BTBD9: variants seen among roughly 807,000 people sequenced by gnomAD.
BTBD9 encodes BTB/POZ domain-containing protein 9.
BTBD9 carries 49 observed loss-of-function variants against 64.3 expected under a neutral mutation model. The observed-to-expected ratio is 0.76, with a 90% CI of 0.61 to 0.97. The LOEUF (loss-of-function observed/expected upper bound fraction) is 0.97. Among genes scored for constraint, BTBD9 ranks in the 50% least tolerant of loss-of-function variants. BTBD9 has a pLI of 0.00. For synonymous variants in BTBD9, 260 were observed against 274.7 expected, an observed-to-expected ratio of 0.95 and a Z score of 0.53; for missense variants, 598 against 762.1, an observed-to-expected ratio of 0.78 and a Z score of 2.53.
intron 6 of BTBD9, among the ~76,000 whole-genome samples, chr6:38,508,889 C>T (rs571095661): frequency 1.8e-4 from 27 of 152,076 alleles, no homozygotes; most frequent in Non-Finnish European, 3.1e-4. Context: ...CCTTCTAAGA[C>T]TAAGCTAGGC....
intron 6 of BTBD9, among the ~76,000 whole-genome samples, chr6:38,416,379 G>A (rs960962425): frequency 4.0e-5 from 6 of 149,348 alleles, no homozygotes; most frequent in Middle Eastern, 3.5e-3. Flanking sequence ...CTGTCACCCC[G>A]GCTGGAGTGC....
chr6:38,529,392 G>T (rs1773674407), intron 6 of BTBD9, among the ~76,000 whole-genome samples: 1 of 152,192 alleles, frequency 6.6e-6, no homozygotes. Flanking sequence ...AGCTTGGGGT[G>T]CCCCCTAAAG....
chr6:38,578,964 A>G (rs987822096), intron 5 of BTBD9, among the ~76,000 whole-genome samples: 8 of 152,198 alleles, frequency 5.3e-5, no homozygotes, highest in African/African-American at 1.9e-4. Context: ...TAAAGCTTTT[A>G]GAACAGTGTC....
intron 8 of BTBD9, among the ~76,000 whole-genome samples, chr6:38,264,081 G>A (rs747078118): frequency 4.6e-5 from 7 of 152,164 alleles, no homozygotes; most frequent in Non-Finnish European, 7.4e-5. Flanking sequence ...AACGGAGAGC[G>A]GTAAGACTGT....
At chr6:38,507,083 C>T (rs560591589) in intron 6 of BTBD9, among the ~76,000 whole-genome samples, 1 of 152,204 alleles carries the variant, frequency 6.6e-6, no homozygotes, top group Non-Finnish European at 1.5e-5. Flanking sequence ...TCCTTCACAT[C>T]CTTCGGATCT....
chr6:38,405,753 A>G (rs1280064919), intron 6 of BTBD9, among the ~76,000 whole-genome samples: 3 of 152,236 alleles, frequency 2.0e-5, no homozygotes, highest in Non-Finnish European at 2.9e-5. Flanking sequence ...ATAGAAGTCA[A>G]TGGACTCAGG....
chr6:38,322,360 T>C (rs1382857745), intron 7 of BTBD9, among the ~76,000 whole-genome samples: 3 of 152,234 alleles, frequency 2.0e-5, no homozygotes, highest in South Asian at 2.1e-4. Flanking sequence ...GCCCTAGTTA[T>C]ACCTAATGTT....
intron 2 of BTBD9, chr6:38,595,868 C>T (rs1228693127): frequency 5.1e-6 from 5 of 985,270 alleles, no homozygotes; most frequent in Non-Finnish European, 4.8e-6. Flanking sequence ...AATTAAAGAA[C>T]TTCTCCTTCT....
At chr6:38,273,949 T>G (rs1765281265) in intron 8 of BTBD9, among the ~76,000 whole-genome samples, 1 of 152,192 alleles carries the variant, frequency 6.6e-6, no homozygotes, top group African/African-American at 2.4e-5. Flanking sequence ...AAGACACAAG[T>G]GATTCCACTA....
Position 38,280,183 on chromosome 6 carries a change from C to T in BTBD9, c.1454+8089G>A, listed in dbSNP as rs72849876. ...TTTACCATGCCCCCAAACTATCCTG[C>T]TATCTGTTTCCAGGATCCAGGATTT... On this transcript the variant is annotated intron_variant, in intron 8 of 10. Coordinates refer to ENST00000481247, the MANE Select transcript of BTBD9 (RefSeq NM_001099272.2). Among the ~76,000 whole-genome samples the T allele has an allele frequency of 9.2e-3, 1,397 of 152,272 alleles. 7 individuals carry two copies. The highest frequency in any genetic ancestry group is 0.017 in the Middle Eastern group (5 of 294).
chr6:38,538,535 T>A (rs1421572506), intron 6 of BTBD9, among the ~76,000 whole-genome samples: 1 of 152,194 alleles, frequency 6.6e-6, no homozygotes, highest in Admixed American at 6.5e-5. Context: ...ATTTCTTATA[T>A]GTAAGCAGGA....
intron 10 of BTBD9, among the ~76,000 whole-genome samples, chr6:38,179,149 C>T (rs1267740310): frequency 6.6e-6 from 1 of 152,152 alleles, no homozygotes; most frequent in Non-Finnish European, 1.5e-5. Context: ...CCATGCCCAG[C>T]CTACGAGACT....
At chr6:38,225,096 G>A (rs994775365) in intron 9 of BTBD9, among the ~76,000 whole-genome samples, 6 of 152,182 alleles carry the variant, frequency 3.9e-5, no homozygotes, top group African/African-American at 1.4e-4. Context: ...CTGGCTCTGT[G>A]AGTGCCCCTC....
intron 10 of BTBD9, chr6:38,179,800 A>C (rs1761465269): frequency 2.2e-6 from 1 of 456,646 alleles, no homozygotes; most frequent in Non-Finnish European, 4.4e-6. Flanking sequence ...GAGGTGTGTG[A>C]GAAACTAATT....
chr6:38,322,869 C>G (rs1382756313), intron 7 of BTBD9, among the ~76,000 whole-genome samples: 2 of 152,160 alleles, frequency 1.3e-5, no homozygotes, highest in South Asian at 4.1e-4. Context: ...CATAATGTAG[C>G]CTGTGTGTGC....
At chr6:38,377,791 T>C (rs1300288021) in intron 6 of BTBD9, among the ~76,000 whole-genome samples, 1 of 152,198 alleles carries the variant, frequency 6.6e-6, no homozygotes, top group African/African-American at 2.4e-5. Flanking sequence ...TTCCACATAG[T>C]ATTTTTTTTC....
intron 6 of BTBD9, among the ~76,000 whole-genome samples, chr6:38,397,446 G>A (rs1192849436): frequency 6.6e-6 from 1 of 152,214 alleles, no homozygotes; most frequent in African/African-American, 2.4e-5. Context: ...ATGACGCCCA[G>A]CTTTGTGGAT....
At chr6:38,251,910 T>C (rs887824654) in intron 9 of BTBD9, among the ~76,000 whole-genome samples, 1 of 143,420 alleles carries the variant, frequency 7.0e-6, no homozygotes, top group South Asian at 2.2e-4. Context: ...AAAAAAAAAG[T>C]GAGAGCTTTT....
intron 6 of BTBD9, among the ~76,000 whole-genome samples, chr6:38,508,234 A>T (rs905230526): frequency 6.6e-6 from 1 of 151,904 alleles, no homozygotes; most frequent in East Asian, 1.9e-4. Context: ...TGCCACTACC[A>T]ACTCAATATA....
Sources: allele counts gnomAD v4.1 joint callset (sites outside exome capture counted in the v4.1 genomes callset), GRCh38; gene constraint gnomAD v4.1.1; transcripts MANE v1.5; gene names NCBI Gene and HGNC (gene_info 2026-07-23, HGNC 2026-07-21).